The following CYP24A1 variants were observed in gnomAD, a reference collection of about 807,000 sequenced individuals.
CYP24A1 encodes the protein cytochrome P450 family 24 subfamily A member 1, also known as 1,25-dihydroxyvitamin D(3) 24-hydroxylase, mitochondrial.
A neutral mutation model predicts 62.4 loss-of-function variants in CYP24A1; 68 were observed. That is an observed-to-expected ratio of 1.09 (90% CI 0.90 to 1.33). The LOEUF is 1.33. Among genes scored for constraint, CYP24A1 ranks in the 40% most tolerant of loss-of-function variants. The pLI, the probability that CYP24A1 is intolerant of heterozygous loss-of-function variation, is 0.00. For missense variants in CYP24A1, 787 were observed against 653.0 expected, an observed-to-expected ratio of 1.21 and a Z score of -2.24; for synonymous variants, 267 against 253.0, an observed-to-expected ratio of 1.06 and a Z score of -0.52.
chr20:54,151,710 G>A (rs1440563600), downstream of CYP24A1, among the ~76,000 whole-genome samples: 5 of 151,832 alleles, frequency 3.3e-5, no homozygotes, highest in African/African-American at 9.7e-5. Context: ...CTACAGGCGC[G>A]TGCCACCACG....
chr20:54,173,026 G>T lies in CYP24A1; in HGVS notation c.332C>A (p.Ser111Ter), dbSNP rs1385520790. 6.2e-7 allele frequency: 1 copy of T among 1,610,438 alleles called. No homozygotes were observed. Among genetic ancestry groups the T allele is most frequent in the South Asian group, 1.1e-5 (1 of 91,078 alleles). Residue 111 changes from serine (S) to a stop codon, truncating the protein, a stop_gained, in exon 2 of 12, where the codon TCG becomes TAG. Transcript: ENST00000216862. LOFTEE classifies it high-confidence loss of function. This position sits in a 1 kb window ranked among gnomAD's most constrained non-coding sequence, Gnocchi z 7.2. Reference sequence around the variant, plus strand: ...GTACAGCGCTTCCAGCAGGCATGGCGAGCCCAGGTGCACCGACTCAAAGGA... The same window carrying T: ...GTACAGCGCTTCCAGCAGGCATGGCTAGCCCAGGTGCACCGACTCAAAGGA... Reference protein sequence around the residue: ...LGSFESVHLGSPCLLEALYRT... With the variant: ...LGSFESVHLG
At chr20:54,144,651 T>G in the CYP24A1 span, among the ~76,000 whole-genome samples, 1 of 148,734 alleles carries the variant, frequency 6.7e-6, no homozygotes, top group African/African-American at 2.4e-5. Flanking sequence ...TAACATATTA[T>G]TAACTAATAT....
Position 54,172,951 on chromosome 20 carries a change from G to T in CYP24A1, c.407C>A (p.Ala136Asp). Residue 136 changes from alanine (A) to aspartate (D), a missense_variant, in exon 2 of 12, where the codon GCC becomes GAC. Transcript: ENST00000216862. ...PQRLEIKPWK[A>D]YRDYRKEGYG... The stretch of plus-strand genomic sequence containing the variant: ...GCCTTCTTTGCGGTAGTCGCGATAG[G>T]CCTTCCACGGTTTGATCTCCAGCCG... The T allele has an allele frequency of 6.2e-7, 1 of 1,613,610 alleles. No homozygotes were observed.
At chr20:54,164,359 A>G in intron 6 of CYP24A1, 93 bp downstream of exon 6, 7 of 1,608,944 alleles carry the variant, frequency 4.4e-6, no homozygotes, top group Non-Finnish European at 5.9e-6. Context: ...TGTGGTGATG[A>G]GGCTCAGGAG....
intron 4 of CYP24A1, among the ~76,000 whole-genome samples, chr20:54,168,911 T>C (rs1207659125): frequency 7.3e-6 from 1 of 136,364 alleles, no homozygotes; most frequent in African/African-American, 2.7e-5. Context: ...CTCTCTCTCT[T>C]TCTTGAGACG....
At position 54,169,597 on chromosome 20, in the gene CYP24A1, A is replaced by G; in HGVS notation, c.635T>C (p.Phe212Ser). 1 of 1,614,180 alleles carries G rather than the reference A, an allele frequency of 6.2e-7. No individual in the cohort carries two copies. Among genetic ancestry groups the G allele is most frequent in the Non-Finnish European group, 8.5e-7 (1 of 1,180,010 alleles). The change falls in exon 4 of 12, where the codon TTT becomes TCT. Residue 212 changes from phenylalanine to serine, a missense_variant. By Grantham distance (155) the Phe-to-Ser change is radical (BLOSUM62 -2). Transcript: ENST00000216862. Reference protein sequence around the residue: ...DLYSELNKWSFESICLVLYEK... With the variant: ...DLYSELNKWSSESICLVLYEK... Reference sequence around the variant, plus strand: ...AGTCTGTGACGACAACTTACTTTCAAACGACCATTTGTTCAGTTCGCTGTA... The same window carrying G: ...AGTCTGTGACGACAACTTACTTTCAGACGACCATTTGTTCAGTTCGCTGTA...
rs2092700336 is a variant in CYP24A1, at chr20:54,173,131, C to T, written c.259-32G>A. On this transcript the variant is annotated intron_variant, in intron 1 of 11. Transcript: ENST00000216862. The surrounding 1 kb of genome is among the most constrained non-coding windows in gnomAD (Gnocchi z 7.2). ...CCGGCCGGGCACAGCGCGGTGTCAG[C>T]GCGCATCCTCCGCCGTGCCCGAAGC... is the stretch of plus-strand genomic sequence containing the variant. 6.3e-7 allele frequency: 1 copy of T among 1,597,972 alleles called. No individual in the cohort carries two copies. The highest frequency in any genetic ancestry group is 8.5e-7 in the Non-Finnish European group (1 of 1,177,202).
intron 11 of CYP24A1, among the ~76,000 whole-genome samples, chr20:54,155,695 C>G (rs956572311): frequency 3.4e-5 from 5 of 146,386 alleles, no homozygotes; most frequent in African/African-American, 5.0e-5. Flanking sequence ...TGAGATTGCA[C>G]CATTGCACTC....
chr20:54,158,477 CTA>C (rs1333482830), intron 8 of CYP24A1, among the ~76,000 whole-genome samples: 9 of 152,122 alleles, frequency 5.9e-5, no homozygotes, highest in African/African-American at 1.9e-4. Context: ...GATGTTTGTT[CTA>C]TGTTTCTCCA....
chr20:54,173,595 C>T lies in CYP24A1; in HGVS notation c.-16G>A. On this transcript the variant is annotated 5_prime_UTR_variant, in exon 1 of 12. Coordinates refer to ENST00000216862, the MANE Select transcript of CYP24A1 (RefSeq NM_000782.5). This position sits in a 1 kb window ranked among gnomAD's most constrained non-coding sequence, Gnocchi z 7.2. ...GGGAGCTCATGGCAGCGGGGGACAC[C>T]GGAGCGCGGGAAGGCAGGAGGATGG... 1 of 1,561,398 alleles carries T rather than the reference C, an allele frequency of 6.4e-7. No individual in the cohort carries two copies. Among genetic ancestry groups the T allele is most frequent in the East Asian group, 2.3e-5 (1 of 43,430 alleles).
chr20:54,164,597 T>A (rs2092664507), intron 5 of CYP24A1, 34 bp from the exon 6 acceptor site: 1 of 1,613,842 alleles, frequency 6.2e-7, no homozygotes, highest in Non-Finnish European at 8.5e-7. Flanking sequence ...TTATTCTGAA[T>A]TCTCCTTCTC....
the CYP24A1 span, among the ~76,000 whole-genome samples, chr20:54,145,092 A>G: frequency 6.6e-6 from 1 of 152,196 alleles, no homozygotes; most frequent in African/African-American, 2.4e-5. Context: ...ATGCTAGAAT[A>G]GCTTATCCTA....
At chr20:54,161,778 C>T (rs2092651241) in intron 7 of CYP24A1, among the ~76,000 whole-genome samples, 1 of 152,194 alleles carries the variant, frequency 6.6e-6, no homozygotes, top group South Asian at 2.1e-4. Flanking sequence ...TTCCCACTTT[C>T]AACCGCCTTG....
chr20:54,173,887 C>T lies in CYP24A1; in HGVS notation c.-308G>A, dbSNP rs987869272. ...AAAGCTGGGAGTCCTCCTGTTGGTC[C>T]GCAAGGCTGACCTCTAGGGTCTGGC... is the stretch of plus-strand genomic sequence containing the variant. On this transcript the variant is annotated 5_prime_UTR_variant, in exon 1 of 12. Transcript: ENST00000216862. This position sits in a 1 kb window ranked among gnomAD's most constrained non-coding sequence, Gnocchi z 7.2. The T allele has an allele frequency of 1.7e-5, 8 of 480,516 alleles. No individual in the cohort carries two copies. Among genetic ancestry groups the T allele is most frequent in the African/African-American group, 7.8e-5 (4 of 51,584 alleles). The allele number at this position is 480,516 out of a possible 1,614,324, so 29.8% of individuals were successfully genotyped here. A position where few individuals can be genotyped will look rare whatever the true frequency, so the allele number is the denominator to read the frequency against.
downstream of CYP24A1, among the ~76,000 whole-genome samples, chr20:54,151,612 T>A (rs1014207975): frequency 6.6e-6 from 1 of 152,042 alleles, no homozygotes; most frequent in Non-Finnish European, 1.5e-5. Flanking sequence ...AGTGGCATGA[T>A]CTCGGCTCAC....
At chr20:54,167,777 G>T (rs2870316) in intron 4 of CYP24A1, among the ~76,000 whole-genome samples, 4 of 123,158 alleles carry the variant, frequency 3.2e-5, no homozygotes, top group African/African-American at 1.5e-4. Flanking sequence ...TCTCAAATAA[G>T]TAATTAAAAA....
chr20:54,152,768 G>T (rs1013957538), downstream of CYP24A1, among the ~76,000 whole-genome samples: 5 of 152,290 alleles, frequency 3.3e-5, no homozygotes, highest in Admixed American at 2.6e-4. Context: ...TGCAGAATCG[G>T]ATCTTTACGT....
intron 2 of CYP24A1, 89 bp downstream of exon 2, chr20:54,172,820 G>A (rs1466005358): frequency 1.1e-5 from 17 of 1,601,002 alleles, no homozygotes; most frequent in Non-Finnish European, 8.5e-7. Context: ...CAACCCCAGG[G>A]AACTCTAACT....
intron 11 of CYP24A1, among the ~76,000 whole-genome samples, chr20:54,155,497 G>A (rs1432246316): frequency 6.6e-6 from 1 of 152,018 alleles, no homozygotes; most frequent in Non-Finnish European, 1.5e-5. Context: ...ACTTTGGGAG[G>A]CCGAGGCGGG....
Sources: allele counts gnomAD v4.1 joint callset (sites outside exome capture counted in the v4.1 genomes callset), GRCh38; gene constraint gnomAD v4.1.1; non-coding constraint Gnocchi (gnomAD v3.1); transcripts MANE v1.5; gene names NCBI Gene and HGNC (gene_info 2026-07-23, HGNC 2026-07-21).